The following CDS2 variants were observed in gnomAD, a reference collection of about 807,000 sequenced individuals.
CDS2 encodes phosphatidate cytidylyltransferase 2.
Under a neutral mutation model 59.0 loss-of-function variants are expected in CDS2, and 47 were observed. That is an observed-to-expected ratio of 0.80 (90% CI 0.63 to 1.02). The LOEUF is 1.02. Ranked by LOEUF, CDS2 falls within the 50% of genes least tolerant of loss-of-function variation. The pLI is 0.00. For missense variants in CDS2, 356 were observed against 558.9 expected, an observed-to-expected ratio of 0.64 and a Z score of 3.66; for synonymous variants, 207 against 206.4, an observed-to-expected ratio of 1.00 and a Z score of -0.02.
chr20:5,163,459 C>T (rs780813475), intron 1 of CDS2, among the ~76,000 whole-genome samples: 27 of 147,702 alleles, frequency 1.8e-4, no homozygotes, highest in Admixed American at 6.8e-4. Flanking sequence ...CAGGGTTTCT[C>T]CCTGTTGGTC....
intron 1 of CDS2, among the ~76,000 whole-genome samples, chr20:5,150,110 T>A (rs2122990665): frequency 6.6e-6 from 1 of 152,306 alleles, no homozygotes; most frequent in Middle Eastern, 3.4e-3. Context: ...TAAAATGTGG[T>A]ATTTTCTTAA....
At chr20:5,133,216 G>A (rs1343163073) in intron 1 of CDS2, among the ~76,000 whole-genome samples, 5 of 152,106 alleles carry the variant, frequency 3.3e-5, no homozygotes, top group African/African-American at 9.7e-5. Flanking sequence ...ATGTTAAATT[G>A]CTCTCCTTGG....
intron 2 of CDS2, among the ~76,000 whole-genome samples, chr20:5,174,686 C>T (rs2090981460): frequency 6.7e-6 from 1 of 150,302 alleles, no homozygotes; most frequent in Non-Finnish European, 1.5e-5. Context: ...TGTGCCACTG[C>T]ACTCCAACCT....
At chr20:5,174,830 T>C (rs190351587) in intron 2 of CDS2, among the ~76,000 whole-genome samples, 55 of 152,338 alleles carry the variant, frequency 3.6e-4, no homozygotes, top group African/African-American at 1.3e-3. Flanking sequence ...ATCCTGCTGC[T>C]GGAAAAAAAT....
At position 5,178,914 on chromosome 20, in the gene CDS2, A is replaced by G; in HGVS notation, c.487A>G (p.Ser163Gly). The G allele has an allele frequency of 3.1e-6, 5 of 1,614,102 alleles. No homozygotes were observed. Among genetic ancestry groups the G allele is most frequent in the Non-Finnish European group, 3.4e-6 (4 of 1,179,920 alleles). ...GAGAGAAGAGCCTTTGCGGATTCTC[A>G]GTAAATACCACCGGTTCATTTCCTT... ...VQREEPLRILSKYHRFISFTL... is the reference protein window; with the variant it reads ...VQREEPLRILGKYHRFISFTL... Residue 163 changes from serine (S) to glycine (G), a missense_variant, in exon 5 of 13, where the codon AGT (serine) becomes GGT (glycine). This residue lies in a region of CDS2 where 87 missense variants were observed against 193.3 expected (regional missense o/e 0.45). Coordinates refer to ENST00000460006, the MANE Select transcript of CDS2 (RefSeq NM_003818.4).
At chr20:5,128,410 T>G (rs530381561) in intron 1 of CDS2, 1 of 152,056 alleles carries the variant, frequency 6.6e-6, no homozygotes, top group African/African-American at 2.4e-5. Context: ...AGATCATGGG[T>G]TTTTTTTAAA....
chr20:5,127,127 C>A lies in CDS2; in HGVS notation c.35C>A (p.Pro12Gln). The change falls in exon 1 of 13, where the codon CCG becomes CAG. Residue 12 changes from proline to glutamine, a missense_variant. Pro to Gln is a moderately conservative substitution (Grantham distance 76). Transcript: ENST00000460006. The stretch of plus-strand genomic sequence containing the variant: ...CTGAGGCAGAGGGTGGCCCATGAGC[C>A]GGTTGCGCCACCCGAGGACAAGGTA... Reference protein sequence around the residue: ...TELRQRVAHEPVAPPEDKESE... With the variant: ...TELRQRVAHEQVAPPEDKESE... 1 of 1,496,602 alleles carries A rather than the reference C, an allele frequency of 6.7e-7. No individual in the cohort carries two copies. Among genetic ancestry groups the A allele is most frequent in the Non-Finnish European group, 8.9e-7 (1 of 1,122,096 alleles). The allele number at this position is 1,496,602 out of a possible 1,614,324, so 92.7% of individuals were successfully genotyped here.
intron 1 of CDS2, among the ~76,000 whole-genome samples, chr20:5,131,684 T>C (rs1353612539): frequency 6.6e-6 from 1 of 152,258 alleles, no homozygotes; most frequent in Non-Finnish European, 1.5e-5. Context: ...AAATCTTAAC[T>C]GAAGATAGCG....
Position 5,190,244 on chromosome 20 carries a change from A to G in CDS2, c.*10A>G. The G allele has an allele frequency of 2.5e-6, 4 of 1,611,970 alleles. No individual in the cohort carries two copies. The highest frequency in any genetic ancestry group is 3.4e-6 in the Non-Finnish European group (4 of 1,178,836). ...CACAGAGGACGAGTAGGGGCCACCC[A>G]GGGCCAGGAGAACAGGAACAGAACT... On this transcript the variant is annotated 3_prime_UTR_variant, in exon 13 of 13. Transcript: ENST00000460006.
At chr20:5,136,687 G>A (rs77707455) in intron 1 of CDS2, among the ~76,000 whole-genome samples, 4,089 of 152,102 alleles carry the variant, frequency 0.027, 79 homozygotes, top group East Asian at 0.085. Context: ...TTCTGAAACT[G>A]CCCTAATAAT....
intron 1 of CDS2, among the ~76,000 whole-genome samples, chr20:5,154,306 G>A (rs1002348346): frequency 2.6e-5 from 4 of 152,194 alleles, no homozygotes; most frequent in African/African-American, 9.6e-5. Context: ...TCACAGCCGA[G>A]GCTTTCATTC....
intron 1 of CDS2, among the ~76,000 whole-genome samples, chr20:5,164,594 C>T (rs1294967005): frequency 2.6e-5 from 4 of 151,678 alleles, no homozygotes; most frequent in African/African-American, 4.8e-5. Context: ...ATTAGACATA[C>T]TCCCTCCTTG....
In CDS2 at chr20:5,173,324, A is replaced by G. The variant is rs537066964; in HGVS notation, c.58-199A>G. On this transcript the variant is annotated intron_variant, in intron 1 of 12. Transcript: ENST00000460006. ...CAGATGCACACCTCTCTTCCAGCAG[A>G]GTGTGGCTGGCCACCTTGGCACATG... 1.6e-3 allele frequency among the ~76,000 whole-genome samples: 243 copies of G among 152,318 alleles called. 1 individual carries two copies. The highest frequency in any genetic ancestry group is 1.0e-3 in the Non-Finnish European group (68 of 68,028).
intron 1 of CDS2, among the ~76,000 whole-genome samples, chr20:5,146,566 T>G (rs948028221): frequency 2.0e-5 from 3 of 152,224 alleles, no homozygotes; most frequent in Non-Finnish European, 4.4e-5. Context: ...GGACCTAAGT[T>G]TTTTTGAGCA....
rs778713614 is a variant in CDS2, at chr20:5,189,131, T to C, written c.1046T>C (p.Ile349Thr). The C allele has an allele frequency of 3.1e-6, 5 of 1,614,098 alleles. No individual in the cohort carries two copies. The highest frequency in any genetic ancestry group is 2.7e-5 in the African/African-American group (2 of 74,938). Reference sequence around the variant, plus strand: ...GCTCTCTCCACCTTTGCCTCGCTCATTGGCCCCTTTGGAGGATTCTTCGCA... The same window carrying C: ...GCTCTCTCCACCTTTGCCTCGCTCACTGGCCCCTTTGGAGGATTCTTCGCA... ...SIALSTFASL[I>T]GPFGGFFASG... The change falls in exon 11 of 13, where the codon ATT (isoleucine) becomes ACT (threonine). Residue 349 changes from isoleucine (I) to threonine (T), a missense_variant. Coordinates refer to ENST00000460006, the MANE Select transcript of CDS2 (RefSeq NM_003818.4).
At chr20:5,146,819 C>T (rs1367939033) in intron 1 of CDS2, among the ~76,000 whole-genome samples, 1 of 152,118 alleles carries the variant, frequency 6.6e-6, no homozygotes, top group East Asian at 1.9e-4. Context: ...TAAAAGAAGT[C>T]TGGAGGTCAG....
chr20:5,177,360 T>C (rs899829840), intron 4 of CDS2, among the ~76,000 whole-genome samples: 20 of 152,070 alleles, frequency 1.3e-4, no homozygotes, highest in Non-Finnish European at 2.8e-4. Flanking sequence ...TGAGCCCTAC[T>C]TCATCAGAGG....
At chr20:5,180,260 C>T (rs1036341119) in intron 5 of CDS2, among the ~76,000 whole-genome samples, 9 of 151,582 alleles carry the variant, frequency 5.9e-5, no homozygotes, top group African/African-American at 2.2e-4. Context: ...GTGGATCCCT[C>T]TTCTCCCAGC....
At chr20:5,127,948 A>G (rs933740534) in intron 1 of CDS2, among the ~76,000 whole-genome samples, 1 of 152,130 alleles carries the variant, frequency 6.6e-6, no homozygotes, top group Non-Finnish European at 1.5e-5. Flanking sequence ...TTTCCGAGAT[A>G]GCAGTGATCA....
Sources: gnomAD v4.1 joint callset for allele counts (sites outside exome capture counted in the v4.1 genomes callset) on GRCh38, gnomAD v4.1.1 for gene constraint, gnomAD v4.1.1 regional missense constraint, MANE v1.5 for transcripts, NCBI Gene and HGNC (gene_info 2026-07-23, HGNC 2026-07-21) for gene names.